The following ASCC3 variants were observed in gnomAD, a reference collection of about 807,000 sequenced individuals.
ASCC3 encodes ASC-1 complex subunit P200.
ASCC3 carries 158 observed loss-of-function variants against 256.3 expected under a neutral mutation model. That is an observed-to-expected ratio of 0.62 (90% CI 0.54 to 0.70). The LOEUF is 0.70. Among genes scored for constraint, ASCC3 ranks in the 30% least tolerant of loss-of-function variants. ASCC3 has a pLI of 0.00. For synonymous variants in ASCC3, 948 were observed against 883.4 expected (o/e 1.07, Z -1.30); for missense variants, 2,259 against 2,626.0 (o/e 0.86, Z 3.05).
chr6:100,739,280 G>T (rs977409235), intron 10 of ASCC3, among the ~76,000 whole-genome samples: 1 of 152,136 alleles, frequency 6.6e-6, no homozygotes, highest in Non-Finnish European at 1.5e-5. Flanking sequence ...CTTGCATCCT[G>T]ATATGAAGCC....
At chr6:100,659,733 T>A (rs959905703) in intron 16 of ASCC3, among the ~76,000 whole-genome samples, 20 of 151,572 alleles carry the variant, frequency 1.3e-4, no homozygotes, top group African/African-American at 4.6e-4. Flanking sequence ...TATTGCCAAC[T>A]TGTGTTTATT....
chr6:100,793,623 G>A (rs1769459139), intron 8 of ASCC3, among the ~76,000 whole-genome samples: 3 of 151,982 alleles, frequency 2.0e-5, no homozygotes, highest in Non-Finnish European at 4.4e-5. Flanking sequence ...AAACACAAAT[G>A]TGGCACAAAT....
intron 25 of ASCC3, among the ~76,000 whole-genome samples, chr6:100,636,676 A>T (rs894258267): frequency 4.6e-5 from 7 of 152,222 alleles, no homozygotes; most frequent in Admixed American, 2.6e-4. Flanking sequence ...TGCAAAGGAC[A>T]AGTTCTTGAA....
intron 4 of ASCC3, among the ~76,000 whole-genome samples, chr6:100,840,314 A>T (rs1411807407): frequency 6.6e-6 from 1 of 152,008 alleles, no homozygotes; most frequent in Non-Finnish European, 1.5e-5. Context: ...ACCTGAGTAA[A>T]TATTTAGCAT....
At chr6:100,674,504 T>C (rs975038760) in intron 14 of ASCC3, among the ~76,000 whole-genome samples, 3 of 152,092 alleles carry the variant, frequency 2.0e-5, no homozygotes, top group African/African-American at 7.2e-5. Context: ...AGCATTAAGT[T>C]TAATTTTTGT....
At chr6:100,805,952 T>C (rs932094296) in intron 4 of ASCC3, 72 bp from the exon 5 acceptor site, 1 of 1,473,686 alleles carries the variant, frequency 6.8e-7, no homozygotes. Context: ...ATTAACAACC[T>C]ATTCAACAGA....
intron 26 of ASCC3, among the ~76,000 whole-genome samples, chr6:100,630,828 T>C (rs1163488891): frequency 6.6e-6 from 1 of 152,100 alleles, no homozygotes; most frequent in African/African-American, 2.4e-5. Flanking sequence ...AACTTATTTT[T>C]GTTTTGTTTT....
intron 37 of ASCC3, among the ~76,000 whole-genome samples, chr6:100,531,865 C>T (rs928999494): frequency 1.6e-4 from 24 of 152,006 alleles, no homozygotes; most frequent in Admixed American, 6.6e-5. Context: ...CTTCATTATG[C>T]TTTTGAAATG....
intron 14 of ASCC3, among the ~76,000 whole-genome samples, chr6:100,666,987 A>G (rs1277855572): frequency 6.6e-6 from 1 of 152,214 alleles, no homozygotes; most frequent in Non-Finnish European, 1.5e-5. Flanking sequence ...CTGGTAAGGA[A>G]GACAGACTCA....
At chr6:100,834,237 T>C (rs1005460017) in intron 4 of ASCC3, among the ~76,000 whole-genome samples, 3 of 152,210 alleles carry the variant, frequency 2.0e-5, no homozygotes, top group Non-Finnish European at 2.9e-5. Flanking sequence ...AATTTCACAT[T>C]AGAATTTATT....
intron 4 of ASCC3, among the ~76,000 whole-genome samples, chr6:100,819,337 C>T (rs886720905): frequency 6.6e-6 from 1 of 152,088 alleles, no homozygotes; most frequent in African/African-American, 2.4e-5. Flanking sequence ...TTTACAATAG[C>T]ATCAAAAACA....
intron 13 of ASCC3, among the ~76,000 whole-genome samples, chr6:100,687,460 C>G (rs1303365844): frequency 6.6e-6 from 1 of 152,146 alleles, no homozygotes; most frequent in Non-Finnish European, 1.5e-5. Flanking sequence ...CTCCCGGGTT[C>G]AAGAGATTCT....
chr6:100,674,378 T>C (rs1209592946), intron 14 of ASCC3, among the ~76,000 whole-genome samples: 1 of 152,086 alleles, frequency 6.6e-6, no homozygotes, highest in African/African-American at 2.4e-5. Context: ...TTAAATTTAA[T>C]AAGTATACAT....
At chr6:100,521,326 T>C (rs938165878) in intron 37 of ASCC3, among the ~76,000 whole-genome samples, 20 of 152,072 alleles carry the variant, frequency 1.3e-4, no homozygotes, top group Non-Finnish European at 2.9e-4. Context: ...ATGTTCTTGA[T>C]TTAATAAGAA....
At chr6:100,587,865 C>T (rs549038815) in intron 36 of ASCC3, among the ~76,000 whole-genome samples, 1 of 152,164 alleles carries the variant, frequency 6.6e-6, no homozygotes, top group African/African-American at 2.4e-5. Flanking sequence ...CTAAAACAAA[C>T]GTTTAATTCC....
intron 4 of ASCC3, among the ~76,000 whole-genome samples, chr6:100,812,209 A>T (rs1174461658): frequency 6.6e-6 from 1 of 152,202 alleles, no homozygotes; most frequent in African/African-American, 2.4e-5. Context: ...CATGGGACAA[A>T]TATCCAGCGT....
chr6:100,833,785 G>A (rs778509268), intron 4 of ASCC3, among the ~76,000 whole-genome samples: 14 of 152,232 alleles, frequency 9.2e-5, no homozygotes, highest in Admixed American at 4.6e-4. Context: ...CAGGACGCGC[G>A]CTTTTAAAGG....
At chr6:100,545,845 C>T (rs774109986) in intron 36 of ASCC3, among the ~76,000 whole-genome samples, 11 of 152,202 alleles carry the variant, frequency 7.2e-5, no homozygotes, top group Middle Eastern at 3.4e-3. Flanking sequence ...CATCCCAAAG[C>T]GCTGGGATTA....
chr6:100,774,758 C>A (rs1782108498), intron 8 of ASCC3, among the ~76,000 whole-genome samples: 1 of 152,114 alleles, frequency 6.6e-6, no homozygotes, highest in Non-Finnish European at 1.5e-5. Context: ...CCCACCTCAG[C>A]TTCCCAAAGC....
Sources: allele counts gnomAD v4.1 joint callset (sites outside exome capture counted in the v4.1 genomes callset), GRCh38; gene constraint gnomAD v4.1.1; transcripts MANE v1.5; gene names NCBI Gene and HGNC (gene_info 2026-07-23, HGNC 2026-07-21).